The following CCDC171 variants were observed in gnomAD, a reference collection of about 807,000 sequenced individuals.
CCDC171 encodes coiled-coil domain containing 171, also known as coiled-coil domain-containing protein 171.
Under a neutral mutation model 168.2 loss-of-function variants are expected in CCDC171, and 177 were observed. The ratio of observed to expected loss-of-function variants is 1.05; its 90% CI spans 0.93 to 1.19. CCDC171 has a LOEUF of 1.19. Ranked by LOEUF, CCDC171 falls within the 50% of genes most tolerant of loss-of-function variation. The pLI is 0.00. For missense variants in CCDC171, 1,991 were observed against 1,539.0 expected (o/e 1.29, Z -4.91); for synonymous variants, 687 against 540.8 (o/e 1.27, Z -3.75).
chr9:15,739,182 A>G (rs2054685296), intron 16 of CCDC171, among the ~76,000 whole-genome samples: 1 of 152,246 alleles, frequency 6.6e-6, no homozygotes, highest in Admixed American at 6.5e-5. Context: ...GAGTCATAGA[A>G]TAGACAGAAC....
At chr9:15,982,009 G>A (rs931198877) in intron 3 of CCDC171, among the ~76,000 whole-genome samples, 3 of 152,108 alleles carry the variant, frequency 2.0e-5, no homozygotes, top group Non-Finnish European at 4.4e-5. Flanking sequence ...CTAAGAACCC[G>A]TGATAAAGTT....
intron 11 of CCDC171, among the ~76,000 whole-genome samples, chr9:15,713,073 C>T (rs1324354185): frequency 2.0e-5 from 3 of 152,190 alleles, no homozygotes; most frequent in Non-Finnish European, 2.9e-5. Context: ...TTTCCAAGTA[C>T]CTAACCATTC....
At chr9:16,033,427 G>C (rs1206638882) in intron 6 of CCDC171, among the ~76,000 whole-genome samples, 1 of 152,142 alleles carries the variant, frequency 6.6e-6, no homozygotes, top group African/African-American at 2.4e-5. Context: ...TCATAGGAGC[G>C]CAAGCCCTGT....
chr9:15,655,310 C>A (rs532773879), intron 7 of CCDC171, among the ~76,000 whole-genome samples: 1 of 151,992 alleles, frequency 6.6e-6, no homozygotes, highest in African/African-American at 2.4e-5. Context: ...ATTGAACTAC[C>A]CCATTGACAG....
intron 3 of CCDC171, among the ~76,000 whole-genome samples, chr9:16,000,643 G>A (rs1333558350): frequency 6.6e-6 from 1 of 151,996 alleles, no homozygotes; most frequent in Non-Finnish European, 1.5e-5. Flanking sequence ...AGACAGGTAT[G>A]TCTGTAGATA....
At chr9:15,589,268 C>G (rs1369918520) in intron 4 of CCDC171, among the ~76,000 whole-genome samples, 4 of 152,114 alleles carry the variant, frequency 2.6e-5, no homozygotes, top group African/African-American at 9.7e-5. Flanking sequence ...CCCTTCCATC[C>G]TCAGCATAGA....
At chr9:15,826,439 G>A (rs1288184196) in intron 21 of CCDC171, among the ~76,000 whole-genome samples, 1 of 152,052 alleles carries the variant, frequency 6.6e-6, no homozygotes, top group African/African-American at 2.4e-5. Flanking sequence ...TCAAGATGTG[G>A]AGTCTATTTC....
intron 8 of CCDC171, among the ~76,000 whole-genome samples, chr9:15,659,528 A>G (rs1390113529): frequency 6.6e-6 from 1 of 152,208 alleles, no homozygotes; most frequent in Non-Finnish European, 1.5e-5. Flanking sequence ...TTAGATTCTC[A>G]GTATAAACTG....
At chr9:15,860,431 G>A (rs2061512061) in intron 23 of CCDC171, among the ~76,000 whole-genome samples, 1 of 151,494 alleles carries the variant, frequency 6.6e-6, no homozygotes, top group Non-Finnish European at 1.5e-5. Flanking sequence ...TGCTTTCACT[G>A]AGTCTCTTAA....
In CCDC171 at chr9:15,581,626, A is replaced by G. The variant is rs1055955321; in HGVS notation, c.352+2603A>G. Among the ~76,000 whole-genome samples the G allele has an allele frequency of 2.0e-5, 3 of 151,384 alleles. No individual in the cohort carries two copies. In the South Asian group the frequency reaches 6.2e-4, roughly 31 times the overall value. Reference sequence around the variant, plus strand: ...GAACAGAGCCCTCAGAAATAACACCAGACATCTACAACCATGTGATCTTTG... The same window carrying G: ...GAACAGAGCCCTCAGAAATAACACCGGACATCTACAACCATGTGATCTTTG... On this transcript the variant is annotated intron_variant, in intron 4 of 25. Transcript: ENST00000380701.
chr9:16,051,966 A>G lies in CCDC171; in HGVS notation n.90-8680A>G, dbSNP rs550611089. Among the ~76,000 whole-genome samples the G allele has an allele frequency of 1.5e-4, 23 of 152,300 alleles. No individual in the cohort carries two copies. The South Asian group carries it at 4.6e-3, about 30-fold the overall frequency. ...GGCAAGAGAGAGAACTCCCCTTTATAAAACCATCAGATCTCGTGAGACTTG... is the reference window on the plus strand; with the variant it reads ...GGCAAGAGAGAGAACTCCCCTTTATGAAACCATCAGATCTCGTGAGACTTG... On this transcript the variant is annotated intron_variant and non_coding_transcript_variant, in intron 1 of 1. Transcript: ENST00000478913.
intron 16 of CCDC171, among the ~76,000 whole-genome samples, chr9:15,730,929 T>C (rs979123449): frequency 6.6e-6 from 1 of 152,022 alleles, no homozygotes; most frequent in Non-Finnish European, 1.5e-5. Flanking sequence ...TTGATGTTTT[T>C]AAAAAGTATT....
At chr9:15,993,783 A>G (rs892132742) in intron 3 of CCDC171, among the ~76,000 whole-genome samples, 1 of 152,262 alleles carries the variant, frequency 6.6e-6, no homozygotes, top group South Asian at 2.1e-4. Flanking sequence ...GGCAAAGGAT[A>G]TGAACAGACA....
At chr9:15,687,421 G>A (rs1009635654) in intron 10 of CCDC171, among the ~76,000 whole-genome samples, 18 of 40,622 alleles carry the variant, frequency 4.4e-4, no homozygotes, top group Non-Finnish European at 9.2e-4. Flanking sequence ...GCGAGACCCC[G>A]TCTCTTAAAA....
intron 23 of CCDC171, among the ~76,000 whole-genome samples, chr9:15,867,234 T>A (rs2061828307): frequency 6.6e-6 from 1 of 152,090 alleles, no homozygotes; most frequent in Admixed American, 6.6e-5. Flanking sequence ...AGACACTGTA[T>A]AACCAAATCT....
intron 3 of CCDC171, among the ~76,000 whole-genome samples, chr9:16,018,023 A>C (rs2133011445): frequency 6.6e-6 from 1 of 152,296 alleles, no homozygotes; most frequent in Non-Finnish European, 1.5e-5. Context: ...ATTCCAAATT[A>C]AATAACATCC....
intron 6 of CCDC171, among the ~76,000 whole-genome samples, chr9:15,619,024 A>T (rs1338512543): frequency 6.6e-6 from 1 of 152,116 alleles, no homozygotes; most frequent in African/African-American, 2.4e-5. Context: ...TTGGGGCACC[A>T]TGAACCATGC....
chr9:15,921,562 T>C (rs1396584917), intron 25 of CCDC171, among the ~76,000 whole-genome samples: 1 of 151,678 alleles, frequency 6.6e-6, no homozygotes, highest in Non-Finnish European at 1.5e-5. Flanking sequence ...TGTTAAGACT[T>C]TCCAGTTCTA....
chr9:15,857,934 G>GATAT lies in CCDC171; in HGVS notation c.3468+8996_3468+8999dup, dbSNP rs569030319. 3.4e-3 allele frequency among the ~76,000 whole-genome samples: 514 copies of GATAT among 151,160 alleles called. 5 individuals carry two copies. The highest frequency in any genetic ancestry group is 0.012 in the African/African-American group (503 of 41,108). On this transcript the variant is annotated intron_variant, in intron 23 of 25. Transcript: ENST00000380701. Reference sequence around the variant, plus strand: ...ATACTGTTTTAATTACTATAGTTTTGATATATATATATGTATATATGCATA... The same window carrying GATAT: ...ATACTGTTTTAATTACTATAGTTTTGATATATATATATATATGTATATATGCATA...
Sources: allele counts gnomAD v4.1 joint callset (sites outside exome capture counted in the v4.1 genomes callset), GRCh38; gene constraint gnomAD v4.1.1; transcripts MANE v1.5; gene names NCBI Gene and HGNC (gene_info 2026-07-23, HGNC 2026-07-21).